Variants in DLGAP1 observed in about 807,000 individuals in gnomAD.
DLGAP1 encodes the protein DLG associated protein 1.
A neutral mutation model predicts 90.8 loss-of-function variants in DLGAP1; 11 were observed. The observed-to-expected ratio is 0.12, with a 90% CI of 0.08 to 0.20. DLGAP1 has a LOEUF of 0.20. Ranked by LOEUF, DLGAP1 falls within the 10% of genes least tolerant of loss-of-function variation. The probability of loss-of-function intolerance (pLI) is 1.00; values close to 1 mark genes in which losing one functional copy is unlikely to be tolerated. For synonymous variants in DLGAP1, 558 were observed against 540.7 expected, an observed-to-expected ratio of 1.03 and a Z score of -0.44; for missense variants, 1,050 against 1,333.8, an observed-to-expected ratio of 0.79 and a Z score of 3.31.
At chr18:3,834,343 A>T (rs2068248119) in intron 4 of DLGAP1, among the ~76,000 whole-genome samples, 1 of 147,498 alleles carries the variant, frequency 6.8e-6, no homozygotes, top group Non-Finnish European at 1.5e-5. Flanking sequence ...TTTATGTAAT[A>T]GATGATTAAT....
At chr18:4,393,124 T>C (rs2082371869) in intron 1 of DLGAP1, among the ~76,000 whole-genome samples, 1 of 152,246 alleles carries the variant, frequency 6.6e-6, no homozygotes, top group Non-Finnish European at 1.5e-5. Flanking sequence ...ATGATCTTCT[T>C]AAGACATAAA....
Position 3,921,492 on chromosome 18 carries a change from A to C in DLGAP1, c.-72-41352T>G, listed in dbSNP as rs374529939. ...GAAGTCTGGCTCTATCCAATTCTATATATAAGAACTAGAGAATGTATTAAC... is the reference window on the plus strand; with the variant it reads ...GAAGTCTGGCTCTATCCAATTCTATCTATAAGAACTAGAGAATGTATTAAC... On this transcript the variant is annotated intron_variant, in intron 3 of 12. Coordinates refer to ENST00000315677, the MANE Select transcript of DLGAP1 (RefSeq NM_004746.4). Among the ~76,000 whole-genome samples the C allele has an allele frequency of 6.8e-4, 104 of 152,310 alleles. 1 individual carries two copies. The South Asian group carries it at 7.9e-3, about 12-fold the overall frequency.
Position 3,649,675 on chromosome 18 carries a change from G to A in DLGAP1, c.1592-67427C>T, listed in dbSNP as rs2059228566. 4.6e-5 allele frequency among the ~76,000 whole-genome samples: 7 copies of A among 152,182 alleles called. No homozygotes were observed. The South Asian group carries it at 1.2e-3, about 27-fold the overall frequency. ...TCCTTGCCAGACCCTTCCAGCCACT[G>A]GTTGGCTTTCTGTTGCCTAGGGTCC... On this transcript the variant is annotated intron_variant, in intron 7 of 12. Coordinates refer to ENST00000315677, the MANE Select transcript of DLGAP1 (RefSeq NM_004746.4).
intron 2 of DLGAP1, among the ~76,000 whole-genome samples, chr18:4,100,133 AC>A (rs1345335718): frequency 2.0e-5 from 3 of 152,222 alleles, no homozygotes; most frequent in Non-Finnish European, 4.4e-5. Context: ...ATGGACCTTG[AC>A]AAAATCCATC....
chr18:3,945,239 G>A (rs2072853969), intron 3 of DLGAP1, among the ~76,000 whole-genome samples: 1 of 152,188 alleles, frequency 6.6e-6, no homozygotes, highest in South Asian at 2.1e-4. Flanking sequence ...TGCCTGGTAT[G>A]GGAGTTCATT....
intron 5 of DLGAP1, among the ~76,000 whole-genome samples, chr18:3,769,221 C>T (rs1245479083): frequency 1.3e-5 from 2 of 152,070 alleles, no homozygotes; most frequent in Non-Finnish European, 2.9e-5. Context: ...ATCATAATGA[C>T]TACAACAAAA....
At chr18:4,358,534 CAAGT>C (rs1460865294) in intron 1 of DLGAP1, among the ~76,000 whole-genome samples, 2 of 152,210 alleles carry the variant, frequency 1.3e-5, no homozygotes, top group Admixed American at 1.3e-4. Context: ...CCAGTGACCT[CAAGT>C]AAGGAGTTCA....
At chr18:3,552,094 C>A (rs1021547064) in intron 9 of DLGAP1, among the ~76,000 whole-genome samples, 5 of 151,982 alleles carry the variant, frequency 3.3e-5, no homozygotes, top group Admixed American at 3.3e-4. Context: ...GCATGAGCTA[C>A]CACTCCTAGC....
chr18:4,119,825 T>G (rs2076124602), intron 2 of DLGAP1, among the ~76,000 whole-genome samples: 1 of 152,256 alleles, frequency 6.6e-6, no homozygotes, highest in South Asian at 2.1e-4. Flanking sequence ...ATGAAACTTG[T>G]GCTTTTGATA....
intron 2 of DLGAP1, among the ~76,000 whole-genome samples, chr18:4,068,179 T>C (rs978433599): frequency 1.4e-4 from 21 of 152,066 alleles, no homozygotes; most frequent in African/African-American, 5.1e-4. Flanking sequence ...TCTCTTTTTA[T>C]TCAATCATTG....
At chr18:3,881,862 G>A (rs2071180328) in intron 3 of DLGAP1, among the ~76,000 whole-genome samples, 1 of 152,282 alleles carries the variant, frequency 6.6e-6, no homozygotes, top group South Asian at 2.1e-4. Context: ...GCAGTGAGCC[G>A]AGATCGTGCC....
chr18:3,689,548 G>C (rs955085480), intron 7 of DLGAP1, among the ~76,000 whole-genome samples: 1 of 152,062 alleles, frequency 6.6e-6, no homozygotes, highest in African/African-American at 2.4e-5. Context: ...AAGAAGAGAA[G>C]GTAATCAGCC....
chr18:4,135,500 C>T (rs2076384905), intron 2 of DLGAP1, among the ~76,000 whole-genome samples: 1 of 152,126 alleles, frequency 6.6e-6, no homozygotes. Flanking sequence ...AATCTTCTAA[C>T]TTTTGGCTTG....
intron 1 of DLGAP1, among the ~76,000 whole-genome samples, chr18:4,287,866 A>T (rs974494392): frequency 5.9e-5 from 9 of 151,838 alleles, no homozygotes; most frequent in Non-Finnish European, 1.2e-4. Context: ...GAAAAATTTT[A>T]AAAAATAAAA....
intron 6 of DLGAP1, among the ~76,000 whole-genome samples, chr18:3,735,832 T>C (rs2147548477): frequency 6.6e-6 from 1 of 152,286 alleles, no homozygotes; most frequent in Non-Finnish European, 1.5e-5. Context: ...CCAGCAGGTA[T>C]TGAAGTCATT....
At chr18:4,227,621 G>C (rs897143331) in intron 1 of DLGAP1, among the ~76,000 whole-genome samples, 4 of 151,712 alleles carry the variant, frequency 2.6e-5, no homozygotes, top group Non-Finnish European at 5.9e-5. Context: ...AAAAAATTAA[G>C]AGTGCAATTA....
intron 1 of DLGAP1, among the ~76,000 whole-genome samples, chr18:4,245,337 G>C (rs927285847): frequency 2.6e-5 from 4 of 152,138 alleles, no homozygotes; most frequent in African/African-American, 9.7e-5. Flanking sequence ...ATTGTGATAA[G>C]TTACAATTGT....
intron 3 of DLGAP1, among the ~76,000 whole-genome samples, chr18:3,925,196 G>A (rs142291979): frequency 0.046 from 7,058 of 151,926 alleles, 212 homozygotes; most frequent in South Asian, 0.11. Flanking sequence ...CAGGTGAGCC[G>A]CCCACCTCAG....
At chr18:4,066,458 A>T in intron 2 of DLGAP1, among the ~76,000 whole-genome samples, 1 of 152,204 alleles carries the variant, frequency 6.6e-6, no homozygotes, top group Non-Finnish European at 1.5e-5. Flanking sequence ...CAGCATCTAC[A>T]AAGAACTTAA....
Sources: gnomAD v4.1 joint callset for allele counts (sites outside exome capture counted in the v4.1 genomes callset) on GRCh38, gnomAD v4.1.1 for gene constraint, MANE v1.5 for transcripts, NCBI Gene and HGNC (gene_info 2026-07-23, HGNC 2026-07-21) for gene names.